Variants in CCDC57 observed in about 807,000 individuals in gnomAD.
CCDC57 encodes the protein coiled-coil domain-containing protein 57.
A neutral mutation model predicts 118.9 loss-of-function variants in CCDC57; 118 were observed. That is an observed-to-expected ratio of 0.99 (90% CI 0.86 to 1.16). CCDC57 has a LOEUF of 1.16. Among genes scored for constraint, CCDC57 ranks in the 50% most tolerant of loss-of-function variants. CCDC57 has a pLI of 0.00. For missense variants in CCDC57, 1,300 were observed against 1,320.7 expected, an observed-to-expected ratio of 0.98 and a Z score of 0.24; for synonymous variants, 527 against 532.9, an observed-to-expected ratio of 0.99 and a Z score of 0.15.
intron 8 of CCDC57, 91 bp from the exon 8 acceptor site, chr17:82,184,023 GCGCGCGCGCACACACACACACA>G (rs1196909115): frequency 2.6e-5 from 10 of 384,074 alleles, no homozygotes; most frequent in Admixed American, 2.5e-4. Flanking sequence ...ACATGCGCGC[GCGCGCGCGCACACACACACACA>G]CACACACACA....
chr17:82,163,111 G>C, intron 14 of CCDC57, 89 bp downstream of exon 13: 1 of 1,512,966 alleles, frequency 6.6e-7, no homozygotes, highest in Non-Finnish European at 9.0e-7. Context: ...GGTCACCTGG[G>C]GTCGCACCGG....
At chr17:82,173,403 C>G (rs1192788223) in intron 11 of CCDC57, among the ~76,000 whole-genome samples, 1 of 152,000 alleles carries the variant, frequency 6.6e-6, no homozygotes, top group Non-Finnish European at 1.5e-5. Context: ...CAGAAAATAC[C>G]CAAACTGAAG....
chr17:82,192,326 C>T lies in CCDC57; in HGVS notation c.851+1430G>A, dbSNP rs972225842. 3.9e-5 allele frequency among the ~76,000 whole-genome samples: 6 copies of T among 152,198 alleles called. No homozygotes were observed. Among genetic ancestry groups the T allele is most frequent in the African/African-American group, 1.4e-4 (6 of 41,448 alleles). On this transcript the variant is annotated intron_variant, in intron 7 of 19. Transcript: ENST00000665763. The surrounding 1 kb of genome is among the most constrained non-coding windows in gnomAD (Gnocchi z 4.0). ...AAGAATCAGCATAGGATACACACAA[C>T]ATGCCCAATGTGTGTTAATGAACTG...
intron 1 of CCDC57, among the ~76,000 whole-genome samples, chr17:82,211,565 G>A (rs201569678): frequency 2.9e-4 from 28 of 95,090 alleles, no homozygotes; most frequent in Non-Finnish European, 3.3e-4. Flanking sequence ...TTTTTTTTTT[G>A]AGACCGAGTT....
At chr17:82,204,081 C>T (rs546523711) in intron 2 of CCDC57, among the ~76,000 whole-genome samples, 2 of 152,244 alleles carry the variant, frequency 1.3e-5, no homozygotes, top group South Asian at 4.1e-4. Flanking sequence ...GGCACGAGGG[C>T]TCCCTGGGGG....
At chr17:82,203,606 A>G (rs1366669489) in intron 2 of CCDC57, among the ~76,000 whole-genome samples, 1 of 152,200 alleles carries the variant, frequency 6.6e-6, no homozygotes, top group African/African-American at 2.4e-5. Flanking sequence ...CAAACTCAGG[A>G]GTTCCACGCT....
chr17:82,151,140 C>T (rs1185190336), intron 16 of CCDC57, among the ~76,000 whole-genome samples: 3 of 139,918 alleles, frequency 2.1e-5, no homozygotes, highest in Non-Finnish European at 3.1e-5. Flanking sequence ...CACCCAGAAC[C>T]TGACCCGCAC....
At chr17:82,181,310 C>T (rs897232649) in intron 9 of CCDC57, among the ~76,000 whole-genome samples, 4 of 152,240 alleles carry the variant, frequency 2.6e-5, no homozygotes, top group Non-Finnish European at 4.4e-5. Context: ...GGGCGGCCGG[C>T]GGAGCATCCT....
chr17:82,128,520 G>A (rs1440489892), exon 18 of CCDC57: 4 of 1,569,124 alleles, frequency 2.5e-6, no homozygotes, highest in Admixed American at 1.8e-5. Flanking sequence ...CGTCAAGTCT[G>A]CTGCCCACCT....
chr17:82,101,766 G>A (rs2034466830), exon 20 of CCDC57: 3 of 1,609,634 alleles, frequency 1.9e-6, no homozygotes, highest in Non-Finnish European at 2.5e-6. Flanking sequence ...AGGCTCCTGT[G>A]GTCTTGGCCT....
At chr17:82,150,913 G>A (rs181325421) in intron 16 of CCDC57, among the ~76,000 whole-genome samples, 92 of 8,630 alleles carry the variant, frequency 0.011, 1 homozygote, top group Admixed American at 0.018. Flanking sequence ...AACCTGACCC[G>A]CACCCAGAAC....
chr17:82,108,282 A>C (rs951582092), intron 19 of CCDC57, among the ~76,000 whole-genome samples: 3 of 152,162 alleles, frequency 2.0e-5, no homozygotes, highest in African/African-American at 7.2e-5. Context: ...GTGCTGAGAG[A>C]GCACCTGACC....
chr17:82,127,328 A>G (rs2037598135), intron 19 of CCDC57: 1 of 984,802 alleles, frequency 1.0e-6, no homozygotes, highest in Non-Finnish European at 1.2e-6. Context: ...AAGTGCACCA[A>G]TGCCCACGCG....
chr17:82,180,122 G>A (rs2046022663), intron 9 of CCDC57, among the ~76,000 whole-genome samples: 1 of 152,236 alleles, frequency 6.6e-6, no homozygotes. Flanking sequence ...TAGCAATTGA[G>A]CCACCGTGTT....
At chr17:82,132,118 C>CAAAA (rs58856013) in intron 17 of CCDC57, among the ~76,000 whole-genome samples, 10 of 101,916 alleles carry the variant, frequency 9.8e-5, no homozygotes, top group African/African-American at 2.9e-4. Context: ...GACTCTGTCT[C>CAAAA]AAAAAAAAAA....
chr17:82,114,646 C>T (rs1237859802), intron 19 of CCDC57, among the ~76,000 whole-genome samples: 2 of 152,206 alleles, frequency 1.3e-5, no homozygotes, highest in Admixed American at 6.5e-5. Flanking sequence ...TGTCACGATC[C>T]CGTGCTCTGT....
At chr17:82,158,330 G>C (rs1341642464) in intron 14 of CCDC57, among the ~76,000 whole-genome samples, 2 of 152,192 alleles carry the variant, frequency 1.3e-5, no homozygotes, top group Admixed American at 6.5e-5. Context: ...CTAATCAAAG[G>C]GGGCAGACAT....
chr17:82,145,956 A>C (rs2040680760), intron 16 of CCDC57: 1 of 323,848 alleles, frequency 3.1e-6, no homozygotes, highest in Non-Finnish European at 6.4e-6. Flanking sequence ...CTATATGGGC[A>C]CCGGCAGCAT....
intron 19 of CCDC57, among the ~76,000 whole-genome samples, chr17:82,119,853 C>A (rs2145092194): frequency 6.6e-6 from 1 of 152,224 alleles, no homozygotes; most frequent in Admixed American, 6.5e-5. Flanking sequence ...GGAGGCTAGG[C>A]TTGGAGGTGG....
Sources: gnomAD v4.1 joint callset for allele counts (sites outside exome capture counted in the v4.1 genomes callset) on GRCh38, gnomAD v4.1.1 for gene constraint, Gnocchi (gnomAD v3.1) non-coding constraint, MANE v1.5 for transcripts, NCBI Gene and HGNC (gene_info 2026-07-23, HGNC 2026-07-21) for gene names.